NTSR1: variants seen among roughly 807,000 people sequenced by gnomAD.
NTSR1 encodes neurotensin receptor 1, also known as neurotensin receptor type 1.
Under a neutral mutation model 31.2 loss-of-function variants are expected in NTSR1, and 29 were observed. That is an observed-to-expected ratio of 0.93 (90% CI 0.69 to 1.27). NTSR1 has a LOEUF of 1.27. NTSR1 is among the 50% of genes most tolerant of loss of function. NTSR1 has a pLI of 0.00. For missense variants in NTSR1, 697 were observed against 595.4 expected, an observed-to-expected ratio of 1.17 and a Z score of -1.78; for synonymous variants, 282 against 269.9, an observed-to-expected ratio of 1.04 and a Z score of -0.44.
In NTSR1 at chr20:62,744,681, C is replaced by G. The variant is rs117379864; in HGVS notation, c.715-10004C>G. 6.6e-6 allele frequency among the ~76,000 whole-genome samples: 1 copy of G among 151,982 alleles called. No individual in the cohort carries two copies. Among genetic ancestry groups the G allele is most frequent in the Non-Finnish European group, 1.5e-5 (1 of 68,004 alleles). On this transcript the variant is annotated intron_variant, in intron 1 of 3. Transcript: ENST00000370501. The surrounding 1 kb of genome is among the most constrained non-coding windows in gnomAD (Gnocchi z 4.1). ...GACGGAGGTTGTGATAAGCAGAAAT[C>G]GCGCCACTGCACTCCAGCCTGGGCA...
intron 1 of NTSR1, among the ~76,000 whole-genome samples, chr20:62,739,009 G>A (rs983185862): frequency 3.9e-5 from 6 of 152,206 alleles, no homozygotes; most frequent in Admixed American, 6.5e-5. Context: ...TTACACACGC[G>A]TGTTTTCATG....
rs970248598 is a variant in NTSR1 at position 62,743,276 on chromosome 20, T to C, written c.715-11409T>C. On this transcript the variant is annotated intron_variant, in intron 1 of 3. Coordinates refer to ENST00000370501, the MANE Select transcript of NTSR1 (RefSeq NM_002531.3). This position sits in a 1 kb window ranked among gnomAD's most constrained non-coding sequence, Gnocchi z 7.5. ...GAGCCTTTGAGTTGTTCACCAATCA[T>C]TGGGGTTTCGAACAAGCCTGTGCTG... 4.7e-5 allele frequency among the ~76,000 whole-genome samples: 7 copies of C among 149,204 alleles called. 1 individual carries two copies. Among genetic ancestry groups the C allele is most frequent in the African/African-American group, 1.3e-4 (5 of 39,880 alleles).
chr20:62,724,253 T>C (rs1248291588), intron 1 of NTSR1, among the ~76,000 whole-genome samples: 1 of 152,152 alleles, frequency 6.6e-6, no homozygotes, highest in Admixed American at 6.5e-5. Flanking sequence ...CCTGGGACAG[T>C]GGGGCCCCTG....
intron 1 of NTSR1, among the ~76,000 whole-genome samples, chr20:62,753,229 T>C (rs909021352): frequency 2.0e-5 from 3 of 152,194 alleles, no homozygotes; most frequent in Non-Finnish European, 2.9e-5. Flanking sequence ...CCTCAGCCGG[T>C]GCCCAGAGGG....
intron 1 of NTSR1, among the ~76,000 whole-genome samples, chr20:62,719,968 G>A (rs879738831): frequency 2.6e-5 from 4 of 152,086 alleles, no homozygotes; most frequent in Non-Finnish European, 4.4e-5. Flanking sequence ...AAACCATCCG[G>A]GCCTGGAGTT....
chr20:62,730,292 C>T (rs1475678329), intron 1 of NTSR1, among the ~76,000 whole-genome samples: 1 of 152,176 alleles, frequency 6.6e-6, no homozygotes, highest in Non-Finnish European at 1.5e-5. Context: ...CCCACTGATC[C>T]TCTTACTGTC....
chr20:62,729,933 T>C (rs979873270), intron 1 of NTSR1, among the ~76,000 whole-genome samples: 2 of 152,106 alleles, frequency 1.3e-5, no homozygotes, highest in Non-Finnish European at 2.9e-5. Context: ...ATCTAAATTG[T>C]TATTAATAGA....
chr20:62,709,165 G>A lies in NTSR1; in HGVS notation c.-43G>A. 7.3e-7 allele frequency: 1 copy of A among 1,363,536 alleles called. No homozygotes were observed. Among genetic ancestry groups the A allele is most frequent in the South Asian group, 1.7e-5 (1 of 59,976 alleles). The allele number at this position is 1,363,536 out of a possible 1,614,324, so 84.5% of individuals were successfully genotyped here. On this transcript the variant is annotated 5_prime_UTR_variant, in exon 1 of 4. Transcript: ENST00000370501. The stretch of plus-strand genomic sequence containing the variant: ...GCGCCCACTCCTGCCCGGACTTCCA[G>A]CCCCGGAGGCGCCGGACAGAGCCGC...
chr20:62,724,337 C>T (rs1372354319), intron 1 of NTSR1, among the ~76,000 whole-genome samples: 3 of 152,176 alleles, frequency 2.0e-5, no homozygotes, highest in Non-Finnish European at 4.4e-5. Context: ...ATGCTTCTAA[C>T]CAAAGGAAGC....
At position 62,715,309 on chromosome 20, in the gene NTSR1, C is replaced by T. The variant is rs951520958; in HGVS notation, c.714+5388C>T. On this transcript the variant is annotated intron_variant, in intron 1 of 3. Transcript: ENST00000370501. The surrounding 1 kb of genome is among the most constrained non-coding windows in gnomAD (Gnocchi z 4.7). Reference sequence around the variant, plus strand: ...CAGGTGGGAGACGGCAGGGTGAGGACGTGCAGACATGCGGGTCCACCTCTG... The same window carrying T: ...CAGGTGGGAGACGGCAGGGTGAGGATGTGCAGACATGCGGGTCCACCTCTG... Among the ~76,000 whole-genome samples, 1 of 152,106 alleles carries T rather than the reference C, an allele frequency of 6.6e-6. No individual in the cohort carries two copies. The highest frequency in any genetic ancestry group is 1.5e-5 in the Non-Finnish European group (1 of 68,020).
rs557066765 is a variant in NTSR1 at position 62,759,873 on chromosome 20, A to G, written c.1008-145A>G. The G allele has an allele frequency of 1.2e-3, 936 of 770,988 alleles. 1 individual carries two copies. The highest frequency in any genetic ancestry group is 3.6e-3 in the Admixed American group (150 of 41,836). The allele number at this position is 770,988 out of a possible 1,614,324, so 47.8% of individuals were successfully genotyped here. A position where few individuals can be genotyped will look rare whatever the true frequency, so the allele number is the denominator to read the frequency against. On this transcript the variant is annotated intron_variant, in intron 3 of 3. Transcript: ENST00000370501. ...GCCAGACCCTGGAGCTTGTTATGAA[A>G]TGTCCCCAAACAACCATTCTCAAGG...
At chr20:62,739,872 A>G (rs1391763089) in intron 1 of NTSR1, among the ~76,000 whole-genome samples, 1 of 152,232 alleles carries the variant, frequency 6.6e-6, no homozygotes, top group Non-Finnish European at 1.5e-5. Context: ...TGCGGGACGC[A>G]TATGCTGTCC....
At chr20:62,739,991 C>CAG (rs1989174188) in intron 1 of NTSR1, among the ~76,000 whole-genome samples, 1 of 152,258 alleles carries the variant, frequency 6.6e-6, no homozygotes, top group Non-Finnish European at 1.5e-5. Context: ...TCCCCAGCTG[C>CAG]AGGGCCTCCC....
Position 62,758,426 on chromosome 20 carries a change from C to T in NTSR1, c.1007+70C>T. On this transcript the variant is annotated intron_variant, in intron 3 of 3. Coordinates refer to ENST00000370501, the MANE Select transcript of NTSR1 (RefSeq NM_002531.3). This position sits in a 1 kb window ranked among gnomAD's most constrained non-coding sequence, Gnocchi z 4.5. ...CTCCCAAAACAGATGGTGGGTGTGG[C>T]AGGCACTGCTGAGGGGATCCACTCA... 7.1e-7 allele frequency: 1 copy of T among 1,401,308 alleles called. No individual in the cohort carries two copies. Among genetic ancestry groups the T allele is most frequent in the Non-Finnish European group, 1.0e-6 (1 of 994,582 alleles). The allele number at this position is 1,401,308 out of a possible 1,614,324, so 86.8% of individuals were successfully genotyped here.
rs1600718942 is a variant in NTSR1 at position 62,716,927 on chromosome 20, C to T, written c.714+7006C>T. ...GCCTGTCTCAGAGACCCCCACTGTT[C>T]CCCCGCCATGCCCTGGAGTTTGACC... On this transcript the variant is annotated intron_variant, in intron 1 of 3. Transcript: ENST00000370501. Among the ~76,000 whole-genome samples, 4 of 152,344 alleles carry T rather than the reference C, an allele frequency of 2.6e-5. No individual in the cohort carries two copies. The South Asian group carries it at 8.3e-4, about 32-fold the overall frequency.
In NTSR1 at chr20:62,760,513, C is replaced by T. The variant is rs937229356; in HGVS notation, c.*246C>T. 19 of 464,198 alleles carry T rather than the reference C, an allele frequency of 4.1e-5. No individual in the cohort carries two copies. The highest frequency in any genetic ancestry group is 9.5e-5 in the East Asian group (3 of 31,440). The allele number at this position is 464,198 out of a possible 1,614,324, so 28.8% of individuals were successfully genotyped here. A position where few individuals can be genotyped will look rare whatever the true frequency, so the allele number is the denominator to read the frequency against. On this transcript the variant is annotated 3_prime_UTR_variant, in exon 4 of 4. Coordinates refer to ENST00000370501, the MANE Select transcript of NTSR1 (RefSeq NM_002531.3). ...CTCTTTGAAAGCCAGAACAAGAGAG[C>T]GCTCCTCTCCCAGATAGGAAAAGGG...
chr20:62,727,088 C>T (rs1600723260), intron 1 of NTSR1, among the ~76,000 whole-genome samples: 1 of 152,212 alleles, frequency 6.6e-6, no homozygotes, highest in Admixed American at 6.5e-5. Context: ...AGGCTCAAGG[C>T]CCTCCTGGAG....
intron 2 of NTSR1, among the ~76,000 whole-genome samples, chr20:62,757,889 G>T (rs779536603): frequency 6.6e-5 from 10 of 151,844 alleles, no homozygotes; most frequent in African/African-American, 9.7e-5. Context: ...CTGAGCTTGT[G>T]TCTGGTCTCT....
chr20:62,744,021 C>T lies in NTSR1; in HGVS notation c.715-10664C>T, dbSNP rs1989251099. On this transcript the variant is annotated intron_variant, in intron 1 of 3. Coordinates refer to ENST00000370501, the MANE Select transcript of NTSR1 (RefSeq NM_002531.3). The surrounding 1 kb of genome is among the most constrained non-coding windows in gnomAD (Gnocchi z 4.1). ...GATCCCCCTAACACACCTGCTGTTTCATTATCTAACCTTTCACTCCACCTC... is the reference window on the plus strand; with the variant it reads ...GATCCCCCTAACACACCTGCTGTTTTATTATCTAACCTTTCACTCCACCTC... Among the ~76,000 whole-genome samples the T allele has an allele frequency of 1.3e-5, 2 of 152,170 alleles. No individual in the cohort carries two copies.
Sources: allele counts gnomAD v4.1 joint callset (sites outside exome capture counted in the v4.1 genomes callset), GRCh38; gene constraint gnomAD v4.1.1; non-coding constraint Gnocchi (gnomAD v3.1); transcripts MANE v1.5; gene names NCBI Gene and HGNC (gene_info 2026-07-23, HGNC 2026-07-21).